NEGR1: variants seen among roughly 807,000 people sequenced by gnomAD.
NEGR1 encodes IgLON family member 4.
A neutral mutation model predicts 40.9 loss-of-function variants in NEGR1; 10 were observed. The ratio of observed to expected loss-of-function variants is 0.24; its 90% CI spans 0.15 to 0.42. The LOEUF is 0.42. Ranked by LOEUF, NEGR1 falls within the 10% of genes least tolerant of loss-of-function variation. NEGR1 has a pLI of 1.00. For synonymous variants in NEGR1, 185 were observed against 166.8 expected (o/e 1.11, Z -0.84); for missense variants, 352 against 438.9 (o/e 0.80, Z 1.77).
intron 4 of NEGR1, among the ~76,000 whole-genome samples, chr1:71,647,033 T>C (rs1460845071): frequency 6.6e-6 from 1 of 151,894 alleles, no homozygotes; most frequent in East Asian, 1.9e-4. Flanking sequence ...ACTCGAGCCA[T>C]GTCAAATTCA....
At chr1:72,155,698 T>A (rs1434284897) in intron 1 of NEGR1, among the ~76,000 whole-genome samples, 1 of 152,040 alleles carries the variant, frequency 6.6e-6, no homozygotes, top group Non-Finnish European at 1.5e-5. Flanking sequence ...CAGAATGATA[T>A]ATTGAATTTC....
intron 1 of NEGR1, among the ~76,000 whole-genome samples, chr1:71,998,687 T>C (rs1007565314): frequency 4.0e-5 from 6 of 151,622 alleles, no homozygotes; most frequent in Non-Finnish European, 7.4e-5. Flanking sequence ...CACACTTGCA[T>C]TTACATTTTA....
chr1:71,886,633 G>C (rs1029953582), intron 2 of NEGR1, among the ~76,000 whole-genome samples: 1 of 152,138 alleles, frequency 6.6e-6, no homozygotes, highest in Non-Finnish European at 1.5e-5. Flanking sequence ...TAGGTGGTAT[G>C]AGGCACACTG....
chr1:71,643,597 G>T (rs1461862330), intron 4 of NEGR1, among the ~76,000 whole-genome samples: 2 of 151,966 alleles, frequency 1.3e-5, no homozygotes, highest in Non-Finnish European at 2.9e-5. Flanking sequence ...AAGAAAGAGA[G>T]AAAAGGATAT....
chr1:71,625,301 C>G (rs1281012211), intron 4 of NEGR1, among the ~76,000 whole-genome samples: 2 of 151,922 alleles, frequency 1.3e-5, no homozygotes, highest in Admixed American at 6.6e-5. Flanking sequence ...CAGACACACA[C>G]ACACACACAC....
chr1:71,454,897 T>TC (rs1646661554), intron 6 of NEGR1, among the ~76,000 whole-genome samples: 2 of 152,196 alleles, frequency 1.3e-5, no homozygotes, highest in East Asian at 1.9e-4. Context: ...CACCATTTTT[T>TC]CCCACTCATA....
chr1:71,561,039 T>C (rs1025872670), intron 6 of NEGR1, among the ~76,000 whole-genome samples: 2 of 151,596 alleles, frequency 1.3e-5, no homozygotes, highest in African/African-American at 4.8e-5. Context: ...TTTCATAATG[T>C]TGCATTAAGG....
chr1:71,823,301 A>G (rs1658501737), intron 2 of NEGR1, among the ~76,000 whole-genome samples: 1 of 151,728 alleles, frequency 6.6e-6, no homozygotes, highest in African/African-American at 2.4e-5. Flanking sequence ...TCTCCACTCA[A>G]TAAGGTGTGA....
chr1:71,456,706 A>C (rs1186282872), intron 6 of NEGR1, among the ~76,000 whole-genome samples: 1 of 152,216 alleles, frequency 6.6e-6, no homozygotes, highest in Admixed American at 6.5e-5. Context: ...AAATTCCACT[A>C]ATTTCTCATA....
intron 1 of NEGR1, among the ~76,000 whole-genome samples, chr1:72,163,846 T>C (rs1045925825): frequency 6.6e-6 from 1 of 151,960 alleles, no homozygotes; most frequent in Non-Finnish European, 1.5e-5. Flanking sequence ...ATATTTTCCA[T>C]TAGTAACTGA....
At chr1:71,613,461 A>G (rs988072526) in intron 4 of NEGR1, among the ~76,000 whole-genome samples, 2 of 151,998 alleles carry the variant, frequency 1.3e-5, no homozygotes, top group South Asian at 2.1e-4. Context: ...AGCCTGGCCA[A>G]CGTGGTGAAA....
intron 4 of NEGR1, among the ~76,000 whole-genome samples, chr1:71,690,614 G>GGAGAGA (rs1557614829): frequency 1.5e-3 from 33 of 21,828 alleles, no homozygotes; most frequent in Non-Finnish European, 2.2e-3. Flanking sequence ...ATATATAGAG[G>GGAGAGA]GAGACAGAGA....
chr1:72,266,722 TAAAC>T (rs1163860502), intron 1 of NEGR1, among the ~76,000 whole-genome samples: 16 of 60,958 alleles, frequency 2.6e-4, no homozygotes, highest in African/African-American at 9.1e-4. Flanking sequence ...TATAGACAGA[TAAAC>T]ACACACACAC....
intron 6 of NEGR1, among the ~76,000 whole-genome samples, chr1:71,411,713 A>G (rs558979815): frequency 2.0e-5 from 3 of 152,194 alleles, no homozygotes; most frequent in African/African-American, 4.8e-5. Context: ...AGTAAAGCCT[A>G]TGTTGCTCGG....
intron 4 of NEGR1, among the ~76,000 whole-genome samples, chr1:71,681,585 T>G (rs1323626542): frequency 1.3e-5 from 2 of 152,190 alleles, no homozygotes; most frequent in Non-Finnish European, 2.9e-5. Flanking sequence ...TATCTTTTTA[T>G]TTTTAATCCT....
At chr1:71,842,798 CATT>C (rs1298784434) in intron 2 of NEGR1, among the ~76,000 whole-genome samples, 1 of 152,100 alleles carries the variant, frequency 6.6e-6, no homozygotes, top group African/African-American at 2.4e-5. Context: ...AAATTAACAT[CATT>C]ATCGTATATC....
chr1:71,771,699 C>CAAAAAAAAA (rs60830449), intron 3 of NEGR1, among the ~76,000 whole-genome samples: 705 of 12,062 alleles, frequency 0.058, 238 homozygotes, highest in Non-Finnish European at 0.091. Context: ...GACTTAGTCT[C>CAAAAAAAAA]AAAAAAAAAA....
intron 3 of NEGR1, among the ~76,000 whole-genome samples, chr1:71,723,296 G>A (rs976309889): frequency 6.6e-6 from 1 of 152,042 alleles, no homozygotes; most frequent in Non-Finnish European, 1.5e-5. Context: ...AATTTCCTGA[G>A]TGATAATAAG....
chr1:71,456,380 T>C (rs1646673038), intron 6 of NEGR1, among the ~76,000 whole-genome samples: 1 of 152,158 alleles, frequency 6.6e-6, no homozygotes, highest in Non-Finnish European at 1.5e-5. Context: ...ACTGCTAGGA[T>C]TGCAACAATG....
Sources: allele counts gnomAD v4.1 joint callset (sites outside exome capture counted in the v4.1 genomes callset), GRCh38; gene constraint gnomAD v4.1.1; transcripts MANE v1.5; gene names NCBI Gene and HGNC (gene_info 2026-07-23, HGNC 2026-07-21).